The following ADAM22 variants were observed in gnomAD, a reference collection of about 807,000 sequenced individuals.
The protein encoded by ADAM22 is ADAM metallopeptidase domain 22, also known as disintegrin and metalloproteinase domain-containing protein 22.
ADAM22 carries 65 observed loss-of-function variants against 144.6 expected under a neutral mutation model. The ratio of observed to expected loss-of-function variants is 0.45; its 90% CI spans 0.37 to 0.55. ADAM22 has a LOEUF of 0.55. ADAM22 is among the 20% of genes least tolerant of loss of function. ADAM22 has a pLI of 0.00. For missense variants in ADAM22, 974 were observed against 1,184.9 expected (o/e 0.82, Z 2.61); for synonymous variants, 391 against 412.6 (o/e 0.95, Z 0.63).
chr7:87,940,909 T>A (rs1842341676), intron 2 of ADAM22, among the ~76,000 whole-genome samples: 1 of 152,130 alleles, frequency 6.6e-6, no homozygotes, highest in South Asian at 2.1e-4. Context: ...ACCTACTGAG[T>A]CTTATTGATG....
intron 3 of ADAM22, among the ~76,000 whole-genome samples, chr7:88,031,951 A>G (rs998552415): frequency 6.6e-6 from 1 of 152,228 alleles, no homozygotes; most frequent in African/African-American, 2.4e-5. Flanking sequence ...GGGTGCACAG[A>G]GAGCAAGAGT....
chr7:88,147,300 G>A (rs555395490), intron 17 of ADAM22, among the ~76,000 whole-genome samples: 29 of 152,332 alleles, frequency 1.9e-4, no homozygotes, highest in African/African-American at 6.5e-4. Context: ...GTGAATGGAG[G>A]AGGGAGAATA....
At chr7:88,010,314 T>C (rs1453278255) in intron 3 of ADAM22, among the ~76,000 whole-genome samples, 1 of 152,208 alleles carries the variant, frequency 6.6e-6, no homozygotes, top group Non-Finnish European at 1.5e-5. Context: ...AAGACTTTTT[T>C]TGCAGGTGAT....
chr7:88,172,250 A>G (rs1000984800), intron 26 of ADAM22, among the ~76,000 whole-genome samples: 2 of 151,960 alleles, frequency 1.3e-5, no homozygotes, highest in Non-Finnish European at 2.9e-5. Context: ...TTGTTCTATA[A>G]CAATTGCCTA....
At chr7:88,103,525 C>T (rs1158990920) in intron 4 of ADAM22, among the ~76,000 whole-genome samples, 1 of 151,814 alleles carries the variant, frequency 6.6e-6, no homozygotes, top group East Asian at 1.9e-4. Flanking sequence ...TTTTTTTTAG[C>T]TATAACTATG....
intron 26 of ADAM22, among the ~76,000 whole-genome samples, chr7:88,178,159 A>G (rs1322322096): frequency 1.3e-5 from 2 of 152,184 alleles, no homozygotes; most frequent in East Asian, 3.8e-4. Flanking sequence ...ATAACAGTGC[A>G]GATTAAATAC....
In ADAM22 at chr7:88,168,752, C is replaced by T. The variant is rs116218200; in HGVS notation, c.2282+525C>T. Among the ~76,000 whole-genome samples the T allele has an allele frequency of 5.1e-3, 779 of 151,958 alleles. 4 individuals carry two copies. Among genetic ancestry groups the T allele is most frequent in the African/African-American group, 0.018 (759 of 41,456 alleles). ...AAGTTAAAATGTAAATATAGTAAAC[C>T]TTAAATTTTCTTTAATATTTCAACT... On this transcript the variant is annotated intron_variant, in intron 25 of 31. Transcript: ENST00000413139.
chr7:88,181,646 A>C (rs749583548), intron 28 of ADAM22, 41 bp downstream of exon 28: 3 of 1,541,478 alleles, frequency 1.9e-6, no homozygotes, highest in Non-Finnish European at 2.7e-6. Context: ...CACATAATCA[A>C]GTTCTATATT....
At chr7:87,934,772 C>T in intron 1 of ADAM22, 1 of 662,352 alleles carries the variant, frequency 1.5e-6, no homozygotes, top group African/African-American at 1.8e-5. Context: ...TGTTTTTCTC[C>T]TTCTGAAGAG....
At chr7:88,024,020 AT>A in intron 3 of ADAM22, among the ~76,000 whole-genome samples, 1 of 152,174 alleles carries the variant, frequency 6.6e-6, no homozygotes, top group Non-Finnish European at 1.5e-5. Flanking sequence ...AAATGAAAAA[AT>A]ATCATTCTTT....
At chr7:88,178,359 T>G (rs1386995273) in intron 26 of ADAM22, among the ~76,000 whole-genome samples, 1 of 152,166 alleles carries the variant, frequency 6.6e-6, no homozygotes, top group African/African-American at 2.4e-5. Flanking sequence ...TGATTTAACT[T>G]TGAATCTTTC....
intron 3 of ADAM22, among the ~76,000 whole-genome samples, chr7:88,039,464 A>AAAAAAAAAAAAAAAAAATATATAT: frequency 9.2e-5 from 7 of 76,398 alleles, no homozygotes; most frequent in South Asian, 5.7e-4. Context: ...AAAAAAAAAA[A>AAAAAAAAAAAAAAAAAATATATAT]ATATATATAT....
Position 88,202,371 on chromosome 7 carries a change from T to C in ADAM22, c.*5880T>C, listed in dbSNP as rs1851262532. 1 of 152,202 alleles carries C rather than the reference T, an allele frequency of 6.6e-6. No homozygotes were observed. Among genetic ancestry groups the C allele is most frequent in the Non-Finnish European group, 1.5e-5 (1 of 68,026 alleles). 9.4% of individuals were successfully genotyped at this position (152,202 alleles called of 1,614,324 possible). ...TCTTTCAGAAACGGGGTGTTTTACC[T>C]AAACATAGTAGCTTACATGTTAGCC... is the stretch of plus-strand genomic sequence containing the variant. On this transcript the variant is annotated 3_prime_UTR_variant, in exon 32 of 32. Transcript: ENST00000413139.
At chr7:87,939,690 C>G (rs781643291) in intron 2 of ADAM22, among the ~76,000 whole-genome samples, 1 of 152,118 alleles carries the variant, frequency 6.6e-6, no homozygotes, top group African/African-American at 2.4e-5. Context: ...AACATTAACT[C>G]CTTCAGGCTG....
intron 4 of ADAM22, among the ~76,000 whole-genome samples, chr7:88,103,895 T>C (rs1167261209): frequency 6.6e-6 from 1 of 152,172 alleles, no homozygotes; most frequent in Non-Finnish European, 1.5e-5. Context: ...AAATGCAGTT[T>C]ATGATTTTCA....
At chr7:87,972,653 C>T (rs1206094075) in intron 2 of ADAM22, among the ~76,000 whole-genome samples, 3 of 151,890 alleles carry the variant, frequency 2.0e-5, no homozygotes, top group South Asian at 2.1e-4. Context: ...AGAACAAAGC[C>T]AGAGGCATCA....
intron 14 of ADAM22, among the ~76,000 whole-genome samples, chr7:88,142,471 G>T (rs530828090): frequency 6.6e-6 from 1 of 152,072 alleles, no homozygotes; most frequent in Non-Finnish European, 1.5e-5. Flanking sequence ...AACTCTCCTT[G>T]ATTTAACTTG....
intron 3 of ADAM22, among the ~76,000 whole-genome samples, chr7:88,032,282 A>G (rs1451986035): frequency 6.6e-6 from 1 of 152,228 alleles, no homozygotes; most frequent in Admixed American, 6.5e-5. Flanking sequence ...GGAGCTGCTC[A>G]GGGACTTGGG....
intron 4 of ADAM22, among the ~76,000 whole-genome samples, chr7:88,079,519 GCT>G (rs1437842252): frequency 1.3e-5 from 2 of 152,130 alleles, no homozygotes; most frequent in Non-Finnish European, 2.9e-5. Context: ...ATGTAAATGG[GCT>G]AAATGCTCCA....
Sources: gnomAD v4.1 joint callset for allele counts (sites outside exome capture counted in the v4.1 genomes callset) on GRCh38, gnomAD v4.1.1 for gene constraint, MANE v1.5 for transcripts, NCBI Gene and HGNC (gene_info 2026-07-23, HGNC 2026-07-21) for gene names.